DHRSX: variants seen among roughly 807,000 people sequenced by gnomAD.
DHRSX encodes the protein polyprenol dehydrogenase.
A neutral mutation model predicts 34.0 loss-of-function variants in DHRSX; 31 were observed. That is an observed-to-expected ratio of 0.91 (90% CI 0.69 to 1.23). The LOEUF is 1.23. DHRSX is among the 50% of genes most tolerant of loss of function. The pLI is 0.00. For synonymous variants in DHRSX, 201 were observed against 183.8 expected (o/e 1.09, Z -0.76); for missense variants, 414 against 428.1 (o/e 0.97, Z 0.29).
At chrX:2,458,966 C>T (rs1258798482) in intron 1 of DHRSX, among the ~76,000 whole-genome samples, 1 of 151,742 alleles carries the variant, frequency 6.6e-6, no homozygotes, top group Non-Finnish European at 1.5e-5. Flanking sequence ...ATAGCAAGAC[C>T]CCATCTCTAC....
At chrX:2,497,613 C>T (rs2045315910) in intron 1 of DHRSX, among the ~76,000 whole-genome samples, 1 of 152,144 alleles carries the variant, frequency 6.6e-6, no homozygotes, top group African/African-American at 2.4e-5. Flanking sequence ...ATTTACGAAT[C>T]CATTTTGCAT....
chrX:2,258,324 C>T (rs2041308156), intron 5 of DHRSX, among the ~76,000 whole-genome samples: 2 of 150,484 alleles, frequency 1.3e-5, no homozygotes, highest in South Asian at 4.2e-4. Flanking sequence ...TCTACAAGTC[C>T]AGCAGAGAGG....
At chrX:2,497,628 G>A (rs1164743120) in intron 1 of DHRSX, among the ~76,000 whole-genome samples, 1 of 152,142 alleles carries the variant, frequency 6.6e-6, no homozygotes, top group African/African-American at 2.4e-5. Context: ...TTGCATCCCA[G>A]AAAGTGAAGG....
chrX:2,253,274 G>A (rs1430542658), intron 5 of DHRSX, among the ~76,000 whole-genome samples: 6 of 133,752 alleles, frequency 4.5e-5, no homozygotes, highest in Admixed American at 1.5e-4. Flanking sequence ...GGACGTGGTC[G>A]TGAGCCAAGA....
intron 3 of DHRSX, among the ~76,000 whole-genome samples, chrX:2,375,970 C>T (rs1196583182): frequency 5.9e-5 from 8 of 135,912 alleles, no homozygotes; most frequent in Non-Finnish European, 1.4e-4. Flanking sequence ...ATTCCCCGGA[C>T]ACAAAATGTG....
intron 6 of DHRSX, among the ~76,000 whole-genome samples, chrX:2,242,686 G>T (rs1015692543): frequency 6.6e-6 from 1 of 152,072 alleles, no homozygotes; most frequent in South Asian, 2.1e-4. Flanking sequence ...TCCCACCAGC[G>T]CCAGGACAGT....
chrX:2,282,350 AGAGAAGGAGAG>A, intron 4 of DHRSX, among the ~76,000 whole-genome samples: 1 of 142,482 alleles, frequency 7.0e-6, no homozygotes, highest in Non-Finnish European at 1.5e-5. Flanking sequence ...AGAAAGGAAG[AGAGAAGGAGAG>A]GGAGGAAATA....
chrX:2,261,102 C>T (rs189116627), intron 5 of DHRSX, among the ~76,000 whole-genome samples: 4 of 151,952 alleles, frequency 2.6e-5, no homozygotes, highest in African/African-American at 9.7e-5. Context: ...CCCAGCTACT[C>T]GGGAGGCTGA....
At chrX:2,275,343 C>CAAAAAAAAAAAAAAAA (rs768710073) in intron 4 of DHRSX, among the ~76,000 whole-genome samples, 8 of 127,290 alleles carry the variant, frequency 6.3e-5, no homozygotes, top group South Asian at 2.8e-4. Flanking sequence ...ACTAAAAATA[C>CAAAAAAAAAAAAAAAA]AAAAAAAAAA....
chrX:2,466,201 G>T (rs755404156), intron 1 of DHRSX, among the ~76,000 whole-genome samples: 2 of 152,332 alleles, frequency 1.3e-5, no homozygotes, highest in South Asian at 4.1e-4. Context: ...CACTTTGGGA[G>T]GCCGAGGCAG....
intron 1 of DHRSX, among the ~76,000 whole-genome samples, chrX:2,446,576 C>A (rs187130595): frequency 4.8e-5 from 7 of 145,912 alleles, no homozygotes. Flanking sequence ...CCTAAGAATG[C>A]GGCCAAGGGA....
chrX:2,389,736 C>T (rs940572038), intron 3 of DHRSX, among the ~76,000 whole-genome samples: 2 of 152,030 alleles, frequency 1.3e-5, no homozygotes, highest in African/African-American at 4.8e-5. Flanking sequence ...TTCAGAATCA[C>T]GTGGGTTGTT....
intron 2 of DHRSX, among the ~76,000 whole-genome samples, chrX:2,421,498 G>A (rs57012236): frequency 0.072 from 11,013 of 152,266 alleles, 617 homozygotes; most frequent in East Asian, 0.22. Flanking sequence ...AGCCATGTGC[G>A]CTGACATGGA....
At chrX:2,415,096 TACA>T (rs2043677504) in intron 2 of DHRSX, among the ~76,000 whole-genome samples, 2 of 151,306 alleles carry the variant, frequency 1.3e-5, no homozygotes, top group South Asian at 2.1e-4. Context: ...CATAACCTAA[TACA>T]ACTAGATCTC....
At chrX:2,311,075 A>G (rs1400667270) in intron 3 of DHRSX, among the ~76,000 whole-genome samples, 43 of 145,496 alleles carry the variant, frequency 3.0e-4, no homozygotes, top group Non-Finnish European at 4.3e-4. Context: ...AAAAAAAAAA[A>G]AGAGAGACAG....
chrX:2,484,946 C>G (rs1211985770), intron 1 of DHRSX, among the ~76,000 whole-genome samples: 1 of 152,054 alleles, frequency 6.6e-6, no homozygotes, highest in East Asian at 1.9e-4. Flanking sequence ...CCAGCTGCCT[C>G]TTTACTAAAA....
In DHRSX at chrX:2,331,436, GTTTTTTT is replaced by G. The variant is rs1159991841; in HGVS notation, c.287-39840_287-39834del. On this transcript the variant is annotated intron_variant, in intron 3 of 6. Transcript: ENST00000334651. ...GGAATCCTTTCAGGAAGGTTTTTTG[GTTTTTTT>G]TTTTTTTTTTTTTTTTTTTTTGAGA... Among the ~76,000 whole-genome samples the G allele has an allele frequency of 2.2e-3, 205 of 94,626 alleles. 1 individual carries two copies. Among genetic ancestry groups the G allele is most frequent in the African/African-American group, 6.6e-3 (197 of 29,894 alleles). The allele number at this position is 94,626 out of a possible 152,430, so 62.1% of individuals were successfully genotyped here.
intron 3 of DHRSX, chrX:2,335,018 A>C (rs1222981604): frequency 2.0e-5 from 3 of 151,866 alleles, no homozygotes; most frequent in African/African-American, 7.3e-5. Flanking sequence ...CGTCTCTACT[A>C]AAAATGCAAA....
intron 1 of DHRSX, among the ~76,000 whole-genome samples, chrX:2,483,464 T>G (rs931375797): frequency 1.1e-4 from 16 of 152,062 alleles, no homozygotes; most frequent in Admixed American, 2.6e-4. Flanking sequence ...GGATGAGGTT[T>G]GGCCATGTTG....
Sources: gnomAD v4.1 joint callset for allele counts (sites outside exome capture counted in the v4.1 genomes callset) on GRCh38, gnomAD v4.1.1 for gene constraint, MANE v1.5 for transcripts, NCBI Gene and HGNC (gene_info 2026-07-23, HGNC 2026-07-21) for gene names.